CDH13: variants seen among roughly 807,000 people sequenced by gnomAD.
The protein encoded by CDH13 is cadherin-13.
In CDH13, 24 loss-of-function variants were observed where a neutral mutation model predicts 63.8. The observed-to-expected ratio is 0.38, with a 90% CI of 0.27 to 0.53. The LOEUF (loss-of-function observed/expected upper bound fraction) is 0.53. CDH13 is among the 20% of genes least tolerant of loss of function. The probability of loss-of-function intolerance (pLI) is 0.85; values close to 1 mark genes in which losing one functional copy is unlikely to be tolerated. For synonymous variants in CDH13, 503 were observed against 355.3 expected (o/e 1.42, Z -4.67); for missense variants, 1,049 against 903.1 (o/e 1.16, Z -2.07).
At chr16:83,173,414 G>A (rs1278964591) in intron 4 of CDH13, among the ~76,000 whole-genome samples, 1 of 152,130 alleles carries the variant, frequency 6.6e-6, no homozygotes, top group East Asian at 1.9e-4. Context: ...GTGTGGTAAA[G>A]TAAGCAGCAT....
At chr16:83,109,502 C>G (rs1047107058) in intron 3 of CDH13, among the ~76,000 whole-genome samples, 1 of 152,166 alleles carries the variant, frequency 6.6e-6, no homozygotes, top group Admixed American at 6.5e-5. Flanking sequence ...AGGTATGTGT[C>G]AAACCCCTAA....
rs1262033090 is a variant in CDH13 at position 82,956,533 on chromosome 16, G to T, written c.158-75477G>T. Among the ~76,000 whole-genome samples, 3 of 150,552 alleles carry T rather than the reference G, an allele frequency of 2.0e-5. No individual in the cohort carries two copies. In the East Asian group the frequency reaches 5.9e-4, roughly 29 times the overall value. ...GCTGAAGGATTATTTTCAAGCTCAG[G>T]TATATCCTGCCACACCCTTTGGAAC... On this transcript the variant is annotated intron_variant, in intron 2 of 13. Coordinates refer to ENST00000567109, the MANE Select transcript of CDH13 (RefSeq NM_001257.5).
At chr16:83,151,449 T>TA (rs1442948567) in intron 4 of CDH13, among the ~76,000 whole-genome samples, 3 of 152,168 alleles carry the variant, frequency 2.0e-5, no homozygotes, top group Non-Finnish European at 4.4e-5. Context: ...GAAATGTACC[T>TA]ATGGGAGGAT....
intron 5 of CDH13, among the ~76,000 whole-genome samples, chr16:83,255,932 G>T (rs1906205150): frequency 6.6e-6 from 1 of 152,166 alleles, no homozygotes; most frequent in Non-Finnish European, 1.5e-5. Flanking sequence ...AAAAGGAGGA[G>T]TTGGCAGCTT....
intron 2 of CDH13, among the ~76,000 whole-genome samples, chr16:82,973,136 G>T (rs1465550237): frequency 6.6e-6 from 1 of 152,170 alleles, no homozygotes; most frequent in Non-Finnish European, 1.5e-5. Flanking sequence ...ATTAAATGCT[G>T]TCTTACAATC....
intron 3 of CDH13, among the ~76,000 whole-genome samples, chr16:83,072,644 C>G (rs916822878): frequency 2.0e-5 from 3 of 152,036 alleles, no homozygotes; most frequent in African/African-American, 7.3e-5. Context: ...GTTCTGGGTC[C>G]CATTTGGGAA....
intron 5 of CDH13, among the ~76,000 whole-genome samples, chr16:83,268,332 G>T (rs1007259865): frequency 3.9e-5 from 6 of 152,220 alleles, no homozygotes; most frequent in African/African-American, 1.2e-4. Context: ...TGAGCTGTGT[G>T]TAGCCTGAGG....
rs368134665 is a variant in CDH13 at position 83,224,016 on chromosome 16, A to G, written c.636+6519A>G. The stretch of plus-strand genomic sequence containing the variant: ...ACTCTTCCCCCTTGCCAAGTCCCCA[A>G]AGTCCATTGTATCATTCTTTTGCCT... On this transcript the variant is annotated intron_variant, in intron 5 of 13. Transcript: ENST00000567109. Among the ~76,000 whole-genome samples, 56 of 152,266 alleles carry G rather than the reference A, an allele frequency of 3.7e-4. 3 individuals are homozygous for G. The highest frequency in any genetic ancestry group is 1.3e-3 in the African/African-American group (54 of 41,548).
intron 5 of CDH13, among the ~76,000 whole-genome samples, chr16:83,221,978 G>T (rs2039713886): frequency 6.6e-6 from 1 of 152,198 alleles, no homozygotes; most frequent in Admixed American, 6.5e-5. Context: ...AGGTTCCCAA[G>T]ATGTATTTTT....
chr16:82,663,611 A>G (rs1912238310), intron 1 of CDH13, among the ~76,000 whole-genome samples: 1 of 152,212 alleles, frequency 6.6e-6, no homozygotes, highest in African/African-American at 2.4e-5. Flanking sequence ...AAAAAGTTCA[A>G]AAGCATCTTG....
At chr16:82,795,113 A>T (rs1176204669) in intron 1 of CDH13, among the ~76,000 whole-genome samples, 3 of 152,116 alleles carry the variant, frequency 2.0e-5, no homozygotes, top group Non-Finnish European at 4.4e-5. Context: ...CCTTCACCAG[A>T]TAGTGTGGGA....
chr16:83,612,995 A>G (rs1352812139), intron 8 of CDH13, among the ~76,000 whole-genome samples: 3 of 152,202 alleles, frequency 2.0e-5, no homozygotes, highest in Non-Finnish European at 4.4e-5. Flanking sequence ...TGCTGGTAAT[A>G]AGTTCTCTCA....
intron 10 of CDH13, among the ~76,000 whole-genome samples, chr16:83,678,962 A>C (rs1365593102): frequency 6.6e-6 from 1 of 152,188 alleles, no homozygotes; most frequent in African/African-American, 2.4e-5. Context: ...ACACTCTGCA[A>C]AGTTCATGCT....
chr16:82,786,397 A>C (rs1443878836), intron 1 of CDH13, among the ~76,000 whole-genome samples: 8 of 150,948 alleles, frequency 5.3e-5, no homozygotes, highest in African/African-American at 2.0e-4. Context: ...CAGAGGGCTT[A>C]CTTGCAATGA....
intron 3 of CDH13, among the ~76,000 whole-genome samples, chr16:83,077,578 C>G (rs780159429): frequency 5.3e-5 from 8 of 152,122 alleles, no homozygotes; most frequent in Non-Finnish European, 1.2e-4. Flanking sequence ...CACCTGGTCA[C>G]TTGTATAGAC....
chr16:83,236,911 A>G (rs1448602477), intron 5 of CDH13, among the ~76,000 whole-genome samples: 1 of 152,072 alleles, frequency 6.6e-6, no homozygotes, highest in Non-Finnish European at 1.5e-5. Context: ...CAACATCATG[A>G]GTACACTAAA....
chr16:83,722,661 T>C (rs1003656431), intron 10 of CDH13, among the ~76,000 whole-genome samples: 6 of 152,214 alleles, frequency 3.9e-5, no homozygotes, highest in African/African-American at 1.4e-4. Flanking sequence ...CCAACTGCAC[T>C]GATGTATCCT....
At chr16:83,141,906 C>T (rs895886137) in intron 4 of CDH13, among the ~76,000 whole-genome samples, 14 of 152,116 alleles carry the variant, frequency 9.2e-5, no homozygotes, top group Admixed American at 3.3e-4. Flanking sequence ...TTTAGGAGCT[C>T]AACTAGCAAC....
chr16:83,755,317 C>T (rs953215477), intron 11 of CDH13, among the ~76,000 whole-genome samples: 1 of 151,914 alleles, frequency 6.6e-6, no homozygotes, highest in Non-Finnish European at 1.5e-5. Flanking sequence ...AAAAATCTGC[C>T]AAAAGACTAG....
Sources: allele counts gnomAD v4.1 joint callset (sites outside exome capture counted in the v4.1 genomes callset), GRCh38; gene constraint gnomAD v4.1.1; transcripts MANE v1.5; gene names NCBI Gene and HGNC (gene_info 2026-07-23, HGNC 2026-07-21).